Variants in ANO4 observed in about 807,000 individuals in gnomAD.
The protein encoded by ANO4 is anoctamin 4, also known as anoctamin-4.
ANO4 carries 69 observed loss-of-function variants against 141.9 expected under a neutral mutation model. The observed-to-expected ratio is 0.49, with a 90% CI of 0.40 to 0.59. The LOEUF (loss-of-function observed/expected upper bound fraction) is 0.59, where lower values mean the gene tolerates loss of function less well. Among genes scored for constraint, ANO4 ranks in the 20% least tolerant of loss-of-function variants. The probability of loss-of-function intolerance (pLI) is 0.00; values close to 1 mark genes in which losing one functional copy is unlikely to be tolerated. For synonymous variants in ANO4, 350 were observed against 394.3 expected (o/e 0.89, Z 1.33); for missense variants, 894 against 1,162.2 (o/e 0.77, Z 3.36).
intron 3 of ANO4, among the ~76,000 whole-genome samples, chr12:100,929,696 T>C (rs990537399): frequency 6.6e-6 from 1 of 152,160 alleles, no homozygotes; most frequent in African/African-American, 2.4e-5. Context: ...CAAACTGTCC[T>C]TCATAGTGGT....
rs116734334 is a variant in ANO4 at position 100,869,035 on chromosome 12, A to G, written c.-140-32611A>G. Reference sequence around the variant, plus strand: ...ACAGAAGTTCAGTTGAACCACATAAACACAGACTACCCTTGAGTCCAGGCT... The same window carrying G: ...ACAGAAGTTCAGTTGAACCACATAAGCACAGACTACCCTTGAGTCCAGGCT... On this transcript the variant is annotated intron_variant, in intron 1 of 27. Transcript: ENST00000392977. 1.5e-3 allele frequency among the ~76,000 whole-genome samples: 228 copies of G among 152,240 alleles called. 2 individuals are homozygous for G. The highest frequency in any genetic ancestry group is 5.1e-3 in the African/African-American group (214 of 41,554).
intron 5 of ANO4, among the ~76,000 whole-genome samples, chr12:100,967,570 GACACACACACACACACACAC>G (rs3059289): frequency 6.7e-6 from 1 of 149,162 alleles, no homozygotes; most frequent in Non-Finnish European, 1.5e-5. Context: ...ATGTAAAGAG[GACACACACACACACACACAC>G]ACACACACAC....
intron 8 of ANO4, among the ~76,000 whole-genome samples, chr12:100,993,024 T>C (rs886354182): frequency 4.6e-5 from 7 of 152,034 alleles, no homozygotes; most frequent in Non-Finnish European, 1.0e-4. Flanking sequence ...ACACCCATCT[T>C]TACAAAAATT....
chr12:101,111,672 G>A lies in ANO4; in HGVS notation c.2412G>A (p.Lys804=). The A allele has an allele frequency of 1.2e-6, 2 of 1,611,674 alleles. No individual in the cohort carries two copies. Among genetic ancestry groups the A allele is most frequent in the Non-Finnish European group, 8.5e-7 (1 of 1,178,962 alleles). Residue 804 remains lysine (K), a synonymous_variant, in exon 24 of 28, where the codon AAG becomes AAA. Coordinates refer to ENST00000392977, the MANE Select transcript of ANO4 (RefSeq NM_001286615.2). ...TCCCTCGCTTGGTGTATGCTTATAA[G>A]TATGGACCTTGTGCAGGCCAAGGAG... ...DFIPRLVYAY[K]YGPCAGQGEA... is the part of the protein sequence containing the mutation.
chr12:101,041,307 T>C (rs2047403418), intron 11 of ANO4, among the ~76,000 whole-genome samples: 1 of 152,232 alleles, frequency 6.6e-6, no homozygotes, highest in Non-Finnish European at 1.5e-5. Flanking sequence ...CTTGTGTTGG[T>C]AACAGATAAT....
At chr12:100,952,583 C>T (rs1011297294) in intron 5 of ANO4, among the ~76,000 whole-genome samples, 4 of 152,236 alleles carry the variant, frequency 2.6e-5, no homozygotes, top group African/African-American at 4.8e-5. Context: ...AGAGATATAA[C>T]GATAAGTCCC....
intron 1 of ANO4, among the ~76,000 whole-genome samples, chr12:100,886,639 GC>G (rs1231239448): frequency 2.0e-5 from 3 of 152,068 alleles, no homozygotes; most frequent in Non-Finnish European, 4.4e-5. Flanking sequence ...GCAAACTACA[GC>G]CCACAGGCCA....
chr12:101,109,056 T>C (rs757484455), intron 22 of ANO4, among the ~76,000 whole-genome samples: 1 of 152,150 alleles, frequency 6.6e-6, no homozygotes, highest in Non-Finnish European at 1.5e-5. Context: ...TTTTTCATGA[T>C]CTTGACATAT....
chr12:101,014,645 A>G (rs1194265547), intron 8 of ANO4, among the ~76,000 whole-genome samples: 2 of 152,118 alleles, frequency 1.3e-5, no homozygotes, highest in East Asian at 3.9e-4. Context: ...TGTTTGTGTG[A>G]CTTTGGGCAA....
At chr12:101,006,983 A>C (rs764147385) in intron 8 of ANO4, among the ~76,000 whole-genome samples, 2 of 152,180 alleles carry the variant, frequency 1.3e-5, no homozygotes, top group Non-Finnish European at 2.9e-5. Context: ...TGTTCACAAG[A>C]TCTTATTTCA....
At chr12:100,984,091 C>T (rs999342332) in intron 7 of ANO4, among the ~76,000 whole-genome samples, 1 of 152,008 alleles carries the variant, frequency 6.6e-6, no homozygotes, top group Non-Finnish European at 1.5e-5. Flanking sequence ...ACCAGTGTCT[C>T]GGGGATTTTA....
At chr12:101,093,636 C>G (rs952304732) in intron 17 of ANO4, among the ~76,000 whole-genome samples, 2 of 152,120 alleles carry the variant, frequency 1.3e-5, no homozygotes, top group African/African-American at 4.8e-5. Context: ...CACACGCACA[C>G]ACAAACACAC....
At chr12:100,965,619 T>G (rs1292797506) in intron 5 of ANO4, among the ~76,000 whole-genome samples, 1 of 151,858 alleles carries the variant, frequency 6.6e-6, no homozygotes, top group Non-Finnish European at 1.5e-5. Flanking sequence ...ACCTCACACT[T>G]TACAATGTTC....
intron 3 of ANO4, among the ~76,000 whole-genome samples, chr12:100,922,642 T>C (rs1566014054): frequency 1.3e-5 from 2 of 152,064 alleles, no homozygotes; most frequent in African/African-American, 2.4e-5. Flanking sequence ...GATTTCTTGA[T>C]TAATCATAAT....
At chr12:100,776,123 C>T (rs1039742247) in intron 3 of ANO4, among the ~76,000 whole-genome samples, 2 of 152,130 alleles carry the variant, frequency 1.3e-5, no homozygotes, top group African/African-American at 2.4e-5. Context: ...TTATTATCCC[C>T]GCTACACAGG....
At chr12:100,807,700 G>A (rs921936507) in intron 1 of ANO4, among the ~76,000 whole-genome samples, 7 of 151,996 alleles carry the variant, frequency 4.6e-5, no homozygotes, top group Non-Finnish European at 1.0e-4. Context: ...TATTCTTCCT[G>A]ATGCTTTCCC....
chr12:101,068,560 A>C, intron 14 of ANO4: 10 of 1,356,912 alleles, frequency 7.4e-6, no homozygotes, highest in South Asian at 1.2e-5. Flanking sequence ...AAAATACTAA[A>C]GAGATGTTTG....
At chr12:100,806,560 T>G (rs1441869498) in intron 1 of ANO4, among the ~76,000 whole-genome samples, 1 of 95,850 alleles carries the variant, frequency 1.0e-5, no homozygotes, top group Non-Finnish European at 2.0e-5. Flanking sequence ...TTTTTTTTTT[T>G]GTGAGACAGA....
At chr12:100,965,451 A>G (rs2043611293) in intron 5 of ANO4, among the ~76,000 whole-genome samples, 1 of 152,128 alleles carries the variant, frequency 6.6e-6, no homozygotes, top group Admixed American at 6.6e-5. Flanking sequence ...CAAAACATGC[A>G]GCACGCACTT....
Sources: gnomAD v4.1 joint callset for allele counts (sites outside exome capture counted in the v4.1 genomes callset) on GRCh38, gnomAD v4.1.1 for gene constraint, MANE v1.5 for transcripts, NCBI Gene and HGNC (gene_info 2026-07-23, HGNC 2026-07-21) for gene names.